SGK1: variants seen among roughly 807,000 people sequenced by gnomAD.
SGK1 encodes serum/glucocorticoid regulated kinase 1.
SGK1 carries 26 observed loss-of-function variants against 64.2 expected under a neutral mutation model. The ratio of observed to expected loss-of-function variants is 0.40; its 90% CI spans 0.30 to 0.56. The LOEUF (loss-of-function observed/expected upper bound fraction) is 0.56. Ranked by LOEUF, SGK1 falls within the 20% of genes least tolerant of loss-of-function variation. SGK1 has a pLI of 0.38. For missense variants in SGK1, 519 were observed against 645.6 expected (o/e 0.80, Z 2.12); for synonymous variants, 265 against 239.7 (o/e 1.11, Z -0.98).
intron 3 of SGK1, among the ~76,000 whole-genome samples, chr6:134,204,961 CTTT>C (rs1562249744): frequency 8.8e-6 from 1 of 113,316 alleles, no homozygotes; most frequent in Non-Finnish European, 2.1e-5. Context: ...CCTTTTCTTT[CTTT>C]CTTTCTTTTT....
At chr6:134,306,915 G>T (rs1256792606) in intron 1 of SGK1, among the ~76,000 whole-genome samples, 1 of 147,314 alleles carries the variant, frequency 6.8e-6, no homozygotes, top group East Asian at 2.1e-4. Flanking sequence ...AATAAAAGGG[G>T]GGGGGGGCGG....
chr6:134,195,228 G>A (rs79274754), intron 3 of SGK1, among the ~76,000 whole-genome samples: 2 of 152,140 alleles, frequency 1.3e-5, no homozygotes, highest in East Asian at 1.9e-4. Context: ...TTAGAAAAAC[G>A]AGCTATTGTG....
intron 1 of SGK1, chr6:134,298,502 G>A (rs531136179): frequency 3.7e-5 from 30 of 802,622 alleles, no homozygotes; most frequent in Non-Finnish European, 5.6e-5. Context: ...TGACTGTGAC[G>A]GCAGTGATGC....
Position 134,273,592 on chromosome 6 carries a change from C to CAAAAAAAAAAAAAAAAAAAA in SGK1, c.70-11464_70-11445dup, listed in dbSNP as rs58634499. 3.1e-4 allele frequency among the ~76,000 whole-genome samples: 5 copies of CAAAAAAAAAAAAAAAAAAAA among 16,222 alleles called. 2 individuals carry two copies. Among genetic ancestry groups the CAAAAAAAAAAAAAAAAAAAA allele is most frequent in the Non-Finnish European group, 5.9e-4 (5 of 8,540 alleles). The allele number at this position is 16,222 out of a possible 152,430, so 10.6% of individuals were successfully genotyped here. A position where few individuals can be genotyped will look rare whatever the true frequency, so the allele number is the denominator to read the frequency against. On this transcript the variant is annotated intron_variant, in intron 1 of 13. Transcript: ENST00000367858. ...TGGGCGACAGAGCGAGACTCCGTCT[C>CAAAAAAAAAAAAAAAAAAAA]AAAAAAAAAAAAAAAAAAAAAAAAA...
intron 1 of SGK1, among the ~76,000 whole-genome samples, chr6:134,304,951 T>A (rs1258582753): frequency 6.6e-6 from 1 of 152,214 alleles, no homozygotes; most frequent in Non-Finnish European, 1.5e-5. Flanking sequence ...AAATGTGATT[T>A]CCTTCAGAAA....
intron 1 of SGK1, among the ~76,000 whole-genome samples, chr6:134,314,499 C>T (rs996951643): frequency 6.6e-6 from 1 of 152,132 alleles, no homozygotes; most frequent in African/African-American, 2.4e-5. Flanking sequence ...AGTTATGTGA[C>T]CTTGGGCGAA....
chr6:134,200,457 A>C (rs1775663227), intron 3 of SGK1, among the ~76,000 whole-genome samples: 3 of 152,258 alleles, frequency 2.0e-5, no homozygotes, highest in Admixed American at 1.3e-4. Context: ...TCACACAAAA[A>C]GAGTGAATGT....
intron 1 of SGK1, among the ~76,000 whole-genome samples, chr6:134,262,650 G>C (rs1427739102): frequency 6.6e-6 from 1 of 151,970 alleles, no homozygotes; most frequent in Non-Finnish European, 1.5e-5. Context: ...AGTGAGCTGA[G>C]ATAGCCCCGC....
intron 1 of SGK1, among the ~76,000 whole-genome samples, chr6:134,271,039 A>G (rs1776931670): frequency 6.8e-6 from 1 of 146,294 alleles, no homozygotes; most frequent in African/African-American, 2.5e-5. Flanking sequence ...GGACTCTGCC[A>G]GGTGCGGTGG....
intron 3 of SGK1, chr6:134,175,028 C>T: frequency 2.4e-6 from 2 of 836,908 alleles, no homozygotes; most frequent in East Asian, 3.3e-5. Context: ...GTTCTGTCCC[C>T]ATTGAGAGGG....
chr6:134,260,367 G>GCCCCCCC (rs1491556165), intron 2 of SGK1: 8 of 56,804 alleles, frequency 1.4e-4, no homozygotes, highest in Non-Finnish European at 2.8e-4. Context: ...CCCTGTCCCC[G>GCCCCCCC]ACCCCCACCC....
intron 2 of SGK1, among the ~76,000 whole-genome samples, chr6:134,210,336 A>T (rs1006517854): frequency 6.6e-6 from 1 of 152,230 alleles, no homozygotes; most frequent in African/African-American, 2.4e-5. Flanking sequence ...CCGCTTACAT[A>T]AGGTATGTAA....
At chr6:134,204,257 TAAA>T (rs1775732083) in intron 3 of SGK1, among the ~76,000 whole-genome samples, 4 of 150,792 alleles carry the variant, frequency 2.7e-5, no homozygotes, top group African/African-American at 4.9e-5. Context: ...AATAAATAAA[TAAA>T]TAAATAATTA....
intron 3 of SGK1, among the ~76,000 whole-genome samples, chr6:134,184,821 C>T (rs960355289): frequency 3.3e-5 from 5 of 152,166 alleles, no homozygotes; most frequent in South Asian, 2.1e-4. Flanking sequence ...GTAGTTGGGA[C>T]CACAGGTGTG....
rs1341185557 is a variant in SGK1 at position 134,171,667 on chromosome 6, T to A, written c.1137A>T (p.Gly379=). ...YDRTVDWWCL[G]AVLYEMLYGL... ...CATACAGCATCTCATACAAGACAGC[T>A]CCCAGGCACCACCAGTCCACAGTCC... The change falls in exon 11 of 14, where the codon GGA becomes GGT. Residue 379 remains glycine (G), a synonymous_variant. Coordinates refer to ENST00000367858, the MANE Select transcript of SGK1 (RefSeq NM_001143676.3). 6.2e-7 allele frequency: 1 copy of A among 1,613,898 alleles called. No individual in the cohort carries two copies. The highest frequency in any genetic ancestry group is 1.7e-5 in the Admixed American group (1 of 60,002).
chr6:134,254,672 TATAC>T (rs1399489997), intron 2 of SGK1, among the ~76,000 whole-genome samples: 1 of 152,230 alleles, frequency 6.6e-6, no homozygotes, highest in African/African-American at 2.4e-5. Context: ...TGTCATTTGA[TATAC>T]ATACTTCCAC....
intron 1 of SGK1, among the ~76,000 whole-genome samples, chr6:134,316,492 T>G (rs1208071491): frequency 6.6e-6 from 1 of 152,086 alleles, no homozygotes; most frequent in Non-Finnish European, 1.5e-5. Flanking sequence ...TGTCATTCCT[T>G]TAACAATCAT....
At chr6:134,191,361 C>T (rs942162790) in intron 3 of SGK1, among the ~76,000 whole-genome samples, 4 of 152,182 alleles carry the variant, frequency 2.6e-5, no homozygotes, top group Non-Finnish European at 5.9e-5. Flanking sequence ...TAAGGTCTTT[C>T]TCTAATCTTT....
rs1776967090 is a variant in SGK1 at position 134,273,249 on chromosome 6, A to G, written c.70-11101T>C. ...AGAGTTTTATACAAAGGGCCATTGG[A>G]GAAAAGATGGAGGGTACTTGGTCCA... On this transcript the variant is annotated intron_variant, in intron 1 of 13. Coordinates refer to ENST00000367858, the MANE Select transcript of SGK1 (RefSeq NM_001143676.3). Among the ~76,000 whole-genome samples the G allele has an allele frequency of 2.7e-5, 4 of 147,200 alleles. 1 individual carries two copies. The highest frequency in any genetic ancestry group is 2.1e-4 in the Admixed American group (3 of 14,286).
Sources: allele counts gnomAD v4.1 joint callset (sites outside exome capture counted in the v4.1 genomes callset), GRCh38; gene constraint gnomAD v4.1.1; transcripts MANE v1.5; gene names NCBI Gene and HGNC (gene_info 2026-07-23, HGNC 2026-07-21).